TTC6: variants seen among roughly 807,000 people sequenced by gnomAD.
TTC6 encodes tetratricopeptide repeat domain 6, also known as tetratricopeptide repeat protein 6.
Under a neutral mutation model 210.4 loss-of-function variants are expected in TTC6, and 172 were observed. The observed-to-expected ratio is 0.82, with a 90% CI of 0.72 to 0.93. The LOEUF (loss-of-function observed/expected upper bound fraction) is 0.93, where lower values mean the gene tolerates loss of function less well. Ranked by LOEUF, TTC6 falls within the 40% of genes least tolerant of loss-of-function variation. The probability of loss-of-function intolerance (pLI) is 0.00; values close to 1 mark genes in which losing one functional copy is unlikely to be tolerated. For missense variants in TTC6, 2,414 were observed against 2,318.1 expected, an observed-to-expected ratio of 1.04 and a Z score of -0.85; for synonymous variants, 804 against 819.6, an observed-to-expected ratio of 0.98 and a Z score of 0.32.
chr14:37,737,779 A>G lies in TTC6; in HGVS notation c.1983+45A>G, dbSNP rs111900360. The stretch of plus-strand genomic sequence containing the variant: ...TTTACTCTCTAAAAGAAACATTTAT[A>G]TTCCTAGGAATAATAATCACCTTAT... On this transcript the variant is annotated intron_variant, in intron 9 of 30. Coordinates refer to ENST00000553443, the Ensembl canonical transcript of TTC6. The G allele has an allele frequency of 4.7e-6, 5 of 1,059,092 alleles. 1 individual carries two copies. Among genetic ancestry groups the G allele is most frequent in the Non-Finnish European group, 6.6e-6 (5 of 758,744 alleles). 65.6% of individuals were successfully genotyped at this position (1,059,092 alleles called of 1,614,324 possible).
intron 16 of TTC6, among the ~76,000 whole-genome samples, 191 bp from the exon 19 acceptor site, chr14:37,792,073 C>T (rs2096081101): frequency 6.6e-6 from 1 of 152,250 alleles, no homozygotes; most frequent in South Asian, 2.1e-4. Context: ...TAATTCCTTA[C>T]TAAGGGTTTC....
At chr14:37,632,824 A>G (rs2095672519) in intron 1 of TTC6, among the ~76,000 whole-genome samples, 1 of 152,158 alleles carries the variant, frequency 6.6e-6, no homozygotes, top group African/African-American at 2.4e-5. Context: ...CCCAGAGAGG[A>G]GGAATCTAGA....
chr14:37,780,730 T>A (rs1327438822), intron 14 of TTC6, among the ~76,000 whole-genome samples: 1 of 152,164 alleles, frequency 6.6e-6, no homozygotes, highest in Non-Finnish European at 1.5e-5. Flanking sequence ...GCTGCACCCG[T>A]CAACCCATCA....
At chr14:37,636,737 C>A (rs1248639874) in intron 1 of TTC6, among the ~76,000 whole-genome samples, 1 of 152,054 alleles carries the variant, frequency 6.6e-6, no homozygotes, top group Non-Finnish European at 1.5e-5. Flanking sequence ...AACATGGTAT[C>A]CACTTGAAAG....
chr14:37,762,507 T>C (rs1361995533), intron 14 of TTC6, among the ~76,000 whole-genome samples: 1 of 152,218 alleles, frequency 6.6e-6, no homozygotes. Context: ...CTTTTGGTAA[T>C]AGTGTGAAGT....
intron 2 of TTC6, among the ~76,000 whole-genome samples, chr14:37,613,947 A>G (rs2095638631): frequency 6.6e-6 from 1 of 151,866 alleles, no homozygotes; most frequent in African/African-American, 2.4e-5. Flanking sequence ...TCTGTTTTCC[A>G]TGTGATTGAT....
chr14:37,643,056 C>G (rs980000574), intron 1 of TTC6, among the ~76,000 whole-genome samples: 4 of 152,144 alleles, frequency 2.6e-5, no homozygotes, highest in African/African-American at 9.7e-5. Context: ...ACCTGTAATC[C>G]CAGCACTTTG....
exon 13 of TTC6, chr14:37,751,089 A>G: frequency 6.6e-7 from 1 of 1,525,016 alleles, no homozygotes; most frequent in East Asian, 2.5e-5. Flanking sequence ...TACAGGGGAA[A>G]AAAAGACATA....
At position 37,749,376 on chromosome 14, in the gene TTC6, AGAGTGCCAT is replaced by A. The variant is rs774394046; in HGVS notation, c.2804_2812del (p.Ser935_Met937del). On this transcript the variant is annotated inframe_deletion, in exon 11 of 31. Coordinates refer to ENST00000553443, the Ensembl canonical transcript of TTC6. Reference sequence around the variant, plus strand: ...ATTTATAGGAAACTGGGAAAGTTGCAGAGTGCCATGAATGATCTGCAGAGAGTAAGTTTT... The same window carrying A: ...ATTTATAGGAAACTGGGAAAGTTGCAGAATGATCTGCAGAGAGTAAGTTTT... The A allele has an allele frequency of 2.4e-5, 35 of 1,457,764 alleles. No homozygotes were observed. In the South Asian group the frequency reaches 4.8e-4, roughly 20 times the overall value. The allele number at this position is 1,457,764 out of a possible 1,614,324, so 90.3% of individuals were successfully genotyped here.
intron 1 of TTC6, among the ~76,000 whole-genome samples, chr14:37,602,041 A>G (rs578106280): frequency 9.2e-5 from 14 of 152,392 alleles, no homozygotes; most frequent in Non-Finnish European, 2.1e-4. Flanking sequence ...CTTGCACTAG[A>G]GCTCTCTATT....
At chr14:37,669,993 A>G (rs1387905081) in intron 1 of TTC6, among the ~76,000 whole-genome samples, 1 of 152,180 alleles carries the variant, frequency 6.6e-6, no homozygotes, top group African/African-American at 2.4e-5. Flanking sequence ...GATGGAATTT[A>G]GTATGGAGAA....
chr14:37,746,240 C>T (rs1054420628), intron 10 of TTC6, among the ~76,000 whole-genome samples: 5 of 152,156 alleles, frequency 3.3e-5, no homozygotes, highest in African/African-American at 9.7e-5. Context: ...TCTTTTCCAG[C>T]TCTGAGGTCA....
chr14:37,603,786 T>A (rs2095620107), intron 1 of TTC6, among the ~76,000 whole-genome samples: 1 of 152,034 alleles, frequency 6.6e-6, no homozygotes, highest in South Asian at 2.1e-4. Flanking sequence ...TTAGACAAAC[T>A]CCATTGGGGG....
At chr14:37,654,191 T>C (rs2095717795) in intron 1 of TTC6, among the ~76,000 whole-genome samples, 1 of 152,136 alleles carries the variant, frequency 6.6e-6, no homozygotes, top group African/African-American at 2.4e-5. Flanking sequence ...TCATGAATGA[T>C]TTAGCACCAC....
chr14:37,598,821 G>A lies in TTC6; in HGVS notation c.-235+2813G>A, dbSNP rs1163900202. Among the ~76,000 whole-genome samples, 2 of 152,152 alleles carry A rather than the reference G, an allele frequency of 1.3e-5. No individual in the cohort carries two copies. Among genetic ancestry groups the A allele is most frequent in the African/African-American group, 4.8e-5 (2 of 41,456 alleles). ...GGGCTTCCCTCTGTGGCTGTCCCTC[G>A]CCTGCCCCCTTTCCTTGCCTACCCT... On this transcript the variant is annotated intron_variant, in intron 1 of 2. Coordinates refer to the TTC6 transcript ENST00000556845. The surrounding 1 kb of genome is among the most constrained non-coding windows in gnomAD (Gnocchi z 4.9).
chr14:37,634,689 T>C (rs1325303237), intron 1 of TTC6, among the ~76,000 whole-genome samples: 1 of 152,170 alleles, frequency 6.6e-6, no homozygotes, highest in Admixed American at 6.6e-5. Context: ...ATAGTAACAC[T>C]TCTGAAAACT....
At chr14:37,706,704 G>A (rs1261813710) in intron 5 of TTC6, among the ~76,000 whole-genome samples, 2 of 152,090 alleles carry the variant, frequency 1.3e-5, no homozygotes, top group Non-Finnish European at 2.9e-5. Context: ...TTCTGCGTGT[G>A]TGGGAGAAAA....
chr14:37,765,066 A>G (rs181063845), intron 14 of TTC6, among the ~76,000 whole-genome samples: 1 of 152,158 alleles, frequency 6.6e-6, no homozygotes, highest in African/African-American at 2.4e-5. Context: ...TTGAATTAAT[A>G]TCAACTTAGT....
intron 1 of TTC6, among the ~76,000 whole-genome samples, chr14:37,668,384 G>A (rs2095752237): frequency 6.6e-6 from 1 of 150,432 alleles, no homozygotes; most frequent in Non-Finnish European, 1.5e-5. Context: ...AGCTAATCTA[G>A]GCTGGGTTCT....
Sources: allele counts gnomAD v4.1 joint callset (sites outside exome capture counted in the v4.1 genomes callset), GRCh38; gene constraint gnomAD v4.1.1; non-coding constraint Gnocchi (gnomAD v3.1); transcripts MANE v1.5; gene names NCBI Gene and HGNC (gene_info 2026-07-23, HGNC 2026-07-21).